The following CFAP20DC variants were observed in gnomAD, a reference collection of about 807,000 sequenced individuals.
CFAP20DC encodes the protein CFAP20 domain containing.
CFAP20DC carries 84 observed loss-of-function variants against 101.7 expected under a neutral mutation model. That is an observed-to-expected ratio of 0.83 (90% CI 0.69 to 0.99). The LOEUF (loss-of-function observed/expected upper bound fraction) is 0.99. CFAP20DC is among the 50% of genes least tolerant of loss of function. CFAP20DC has a pLI of 0.00. For missense variants in CFAP20DC, 1,007 were observed against 970.3 expected (o/e 1.04, Z -0.50); for synonymous variants, 359 against 351.2 (o/e 1.02, Z -0.25).
At chr3:58,955,213 C>A (rs2090516561) in intron 4 of CFAP20DC, among the ~76,000 whole-genome samples, 1 of 152,068 alleles carries the variant, frequency 6.6e-6, no homozygotes, top group Non-Finnish European at 1.5e-5. Flanking sequence ...ACCAATTTAA[C>A]AACTATACAC....
At chr3:58,842,334 G>C (rs1358297768) in intron 13 of CFAP20DC, among the ~76,000 whole-genome samples, 1 of 151,540 alleles carries the variant, frequency 6.6e-6, no homozygotes, top group African/African-American at 2.4e-5. Flanking sequence ...GAAGCAGGGC[G>C]AGGCATTGCC....
In CFAP20DC at chr3:58,894,411, GC is replaced by G. The variant is rs1175110807; in HGVS notation, c.551-9703del. ...GAGAGAAATTGGCAAAAACAAAGAA[GC>G]TACAGGCCCCATGCAAGTCCAAAAT... On this transcript the variant is annotated intron_variant, in intron 6 of 16. Transcript: ENST00000482387. The surrounding 1 kb of genome is among the most constrained non-coding windows in gnomAD (Gnocchi z 4.1). Among the ~76,000 whole-genome samples, 1 of 152,162 alleles carries G rather than the reference GC, an allele frequency of 6.6e-6. No individual in the cohort carries two copies. Among genetic ancestry groups the G allele is most frequent in the Non-Finnish European group, 1.5e-5 (1 of 68,026 alleles).
intron 13 of CFAP20DC, among the ~76,000 whole-genome samples, chr3:58,839,960 C>A (rs959431982): frequency 2.0e-5 from 3 of 152,170 alleles, no homozygotes; most frequent in Admixed American, 1.3e-4. Flanking sequence ...GCCTTTGCAA[C>A]CATTGCATTA....
chr3:59,017,710 C>T (rs1192264810), intron 4 of CFAP20DC: 1 of 152,102 alleles, frequency 6.6e-6, no homozygotes, highest in Non-Finnish European at 1.5e-5. Context: ...TCAGTTAGGA[C>T]TCTTTTATGT....
chr3:58,789,617 A>G (rs1314635372), intron 15 of CFAP20DC, among the ~76,000 whole-genome samples: 1 of 152,212 alleles, frequency 6.6e-6, no homozygotes, highest in African/African-American at 2.4e-5. Context: ...TCTTTAGTTG[A>G]CTAGATTTAT....
intron 4 of CFAP20DC, among the ~76,000 whole-genome samples, chr3:58,998,808 C>T (rs2093218967): frequency 6.6e-6 from 1 of 152,188 alleles, no homozygotes; most frequent in Non-Finnish European, 1.5e-5. Flanking sequence ...ATGCAGTCTA[C>T]CTATTGCCCA....
intron 13 of CFAP20DC, among the ~76,000 whole-genome samples, chr3:58,842,558 C>G (rs892099488): frequency 1.3e-5 from 2 of 152,086 alleles, no homozygotes; most frequent in Non-Finnish European, 2.9e-5. Context: ...AGTCTGAGAT[C>G]AAACTGCAAG....
intron 4 of CFAP20DC, among the ~76,000 whole-genome samples, chr3:58,997,167 A>G (rs1314489748): frequency 6.6e-6 from 1 of 152,210 alleles, no homozygotes; most frequent in Admixed American, 6.5e-5. Context: ...ACACTTTCAG[A>G]TGTATTATTT....
At chr3:58,810,994 C>G (rs2074575465) in intron 14 of CFAP20DC, among the ~76,000 whole-genome samples, 1 of 152,090 alleles carries the variant, frequency 6.6e-6, no homozygotes. Flanking sequence ...ATCCAACTTA[C>G]AAGGGATGTG....
intron 14 of CFAP20DC, among the ~76,000 whole-genome samples, chr3:58,813,004 G>C (rs1404893146): frequency 6.6e-6 from 1 of 151,722 alleles, no homozygotes; most frequent in Non-Finnish European, 1.5e-5. Flanking sequence ...CAGAAACCCA[G>C]ACACACAGAA....
In CFAP20DC at chr3:58,721,924, G is replaced by A. The variant is rs1438107405; in HGVS notation, c.198-4296C>T. Among the ~76,000 whole-genome samples, 1 of 152,218 alleles carries A rather than the reference G, an allele frequency of 6.6e-6. No individual in the cohort carries two copies. Among genetic ancestry groups the A allele is most frequent in the Non-Finnish European group, 1.5e-5 (1 of 68,042 alleles). On this transcript the variant is annotated intron_variant, in intron 3 of 3. Coordinates refer to the CFAP20DC transcript ENST00000486145. The surrounding 1 kb of genome is among the most constrained non-coding windows in gnomAD (Gnocchi z 5.2). ...CACAGGCCCTTCTGTGATGTGACCTGGCCACAGCTCCCTTGAGCCTGGGCT... is the reference window on the plus strand; with the variant it reads ...CACAGGCCCTTCTGTGATGTGACCTAGCCACAGCTCCCTTGAGCCTGGGCT...
chr3:58,821,499 C>G (rs1412800815), intron 14 of CFAP20DC, among the ~76,000 whole-genome samples: 1 of 151,888 alleles, frequency 6.6e-6, no homozygotes, highest in Admixed American at 6.6e-5. Flanking sequence ...TGAACAGACA[C>G]TTCTCAAAAG....
chr3:58,784,411 G>C (rs1449220541), intron 15 of CFAP20DC, among the ~76,000 whole-genome samples: 1 of 151,968 alleles, frequency 6.6e-6, no homozygotes, highest in Non-Finnish European at 1.5e-5. Flanking sequence ...AAAAACTATT[G>C]AGTTCTATGC....
intron 5 of CFAP20DC, among the ~76,000 whole-genome samples, chr3:58,918,228 A>G (rs2084951135): frequency 6.6e-6 from 1 of 152,106 alleles, no homozygotes; most frequent in South Asian, 2.1e-4. Flanking sequence ...CCTCTAATTG[A>G]GGCCAAGGGG....
chr3:58,811,171 C>A (rs891884117), intron 14 of CFAP20DC, among the ~76,000 whole-genome samples: 1 of 152,078 alleles, frequency 6.6e-6, no homozygotes, highest in African/African-American at 2.4e-5. Flanking sequence ...ATCAAGCTAC[C>A]AATGACTTTC....
At chr3:58,991,862 C>A (rs1381923611) in intron 4 of CFAP20DC, among the ~76,000 whole-genome samples, 1 of 152,004 alleles carries the variant, frequency 6.6e-6, no homozygotes, top group Non-Finnish European at 1.5e-5. Flanking sequence ...GGCTCGGGGA[C>A]CCCTGACTTA....
chr3:58,858,046 T>C (rs986994908), intron 12 of CFAP20DC, among the ~76,000 whole-genome samples: 2 of 152,186 alleles, frequency 1.3e-5, no homozygotes, highest in Non-Finnish European at 2.9e-5. Context: ...CTCCTTTTAG[T>C]TTATCATTTA....
chr3:58,930,322 C>T (rs748352932), intron 5 of CFAP20DC, among the ~76,000 whole-genome samples: 2 of 152,176 alleles, frequency 1.3e-5, no homozygotes, highest in Non-Finnish European at 2.9e-5. Context: ...CCCTCCAAAT[C>T]ACTGCAAATA....
At chr3:58,812,632 C>G (rs1484980403) in intron 14 of CFAP20DC, among the ~76,000 whole-genome samples, 8 of 151,604 alleles carry the variant, frequency 5.3e-5, no homozygotes, top group African/African-American at 1.9e-4. Context: ...GTGCAGCACA[C>G]CAGCATGGCA....
Sources: allele counts gnomAD v4.1 joint callset (sites outside exome capture counted in the v4.1 genomes callset), GRCh38; gene constraint gnomAD v4.1.1; non-coding constraint Gnocchi (gnomAD v3.1); transcripts MANE v1.5; gene names NCBI Gene and HGNC (gene_info 2026-07-23, HGNC 2026-07-21).